ABCA10: variants seen among roughly 807,000 people sequenced by gnomAD.
The protein encoded by ABCA10 is ATP-binding cassette sub-family A member 10.
ABCA10 carries 169 observed loss-of-function variants against 187.5 expected under a neutral mutation model. The ratio of observed to expected loss-of-function variants is 0.90; its 90% CI spans 0.80 to 1.02. ABCA10 has a LOEUF of 1.02. ABCA10 is among the 50% of genes least tolerant of loss of function. ABCA10 has a pLI of 0.00. For synonymous variants in ABCA10, 574 were observed against 601.8 expected (o/e 0.95, Z 0.68); for missense variants, 1,727 against 1,812.4 (o/e 0.95, Z 0.86).
rs574377079 is a variant in ABCA10, at chr17:69,185,530, AGAGAAAGGAAATACATACTG to A, written c.2424_2443del (p.Ser809GlyfsTer15). The A allele has an allele frequency of 2.4e-5, 38 of 1,613,748 alleles. No individual in the cohort carries two copies. In the African/African-American group the frequency reaches 4.4e-4, roughly 19 times the overall value. ...AAGAGGCGTCTTCGGGATTTGTTCC[AGAGAAAGGAAATACATACTG>A]GGTGAAAACTCCCAACAATGAGTTT... is the stretch of plus-strand genomic sequence containing the variant. On this transcript the variant is annotated frameshift_variant, in exon 20 of 39. Transcript: ENST00000690296.
At chr17:69,168,841 C>T (rs2074274048) in intron 25 of ABCA10, among the ~76,000 whole-genome samples, 1 of 152,194 alleles carries the variant, frequency 6.6e-6, no homozygotes, top group Non-Finnish European at 1.5e-5. Context: ...TTGCCTACTG[C>T]CATCCATGTA....
intron 18 of ABCA10, among the ~76,000 whole-genome samples, chr17:69,188,480 G>C (rs560588445): frequency 6.7e-6 from 1 of 150,002 alleles, no homozygotes; most frequent in African/African-American, 2.5e-5. Context: ...TACAATGGCT[G>C]GTATCTAGTA....
At position 69,192,890 on chromosome 17, in the gene ABCA10, C is replaced by T. The variant is rs1402251816; in HGVS notation, c.1780+220G>A. Among the ~76,000 whole-genome samples the T allele has an allele frequency of 2.6e-5, 4 of 152,196 alleles. No individual in the cohort carries two copies. The East Asian group carries it at 7.7e-4, about 29-fold the overall frequency. ...TGCCTCAAAACTTTCCAAGGATGGC[C>T]TGATTCTTCACCTCTTCCTTTGTCC... On this transcript the variant is annotated intron_variant, in intron 15 of 38. Transcript: ENST00000690296.
chr17:69,201,736 C>CCT, intron 9 of ABCA10, 68 bp from the exon 10 acceptor site: 1 of 1,254,516 alleles, frequency 8.0e-7, no homozygotes, highest in Non-Finnish European at 1.1e-6. Context: ...GACATCTGTC[C>CCT]TTTACTTGAT....
At position 69,148,784 on chromosome 17, in the gene ABCA10, A is replaced by C. The variant is rs2074106868; in HGVS notation, c.*43T>G. 6.9e-7 allele frequency: 1 copy of C among 1,459,798 alleles called. No homozygotes were observed. 90.4% of individuals were successfully genotyped at this position (1,459,798 alleles called of 1,614,324 possible). On this transcript the variant is annotated 3_prime_UTR_variant, in exon 39 of 39. Coordinates refer to ENST00000690296, the MANE Select transcript of ABCA10 (RefSeq NM_001377321.1). ...TTCTTGTAGAATTATGGAAACTAAC[A>C]ATGTAGTAGGACCTAAAATTGAATG...
chr17:69,220,856 A>G (rs1385262835), intron 5 of ABCA10, among the ~76,000 whole-genome samples: 3 of 152,214 alleles, frequency 2.0e-5, no homozygotes, highest in Non-Finnish European at 4.4e-5. Flanking sequence ...TGTGTTATCT[A>G]CAGCGGCTTT....
upstream of ABCA10, among the ~76,000 whole-genome samples, chr17:69,230,647 C>T (rs141414653): frequency 2.2e-3 from 335 of 152,190 alleles, 2 homozygotes; most frequent in African/African-American, 7.7e-3. Context: ...CCCCTGAAAG[C>T]ACGATGGCTT....
intron 1 of ABCA10, among the ~76,000 whole-genome samples, chr17:69,237,673 C>T (rs1213844397): frequency 6.6e-6 from 1 of 152,060 alleles, no homozygotes; most frequent in Non-Finnish European, 1.5e-5. Flanking sequence ...CATGTCCTTC[C>T]TAAAAGCCTC....
chr17:69,243,433 A>C (rs922805029), intron 1 of ABCA10, among the ~76,000 whole-genome samples: 3 of 152,234 alleles, frequency 2.0e-5, no homozygotes, highest in Non-Finnish European at 4.4e-5. Flanking sequence ...ACACAATAGT[A>C]AATATTTGTG....
intron 10 of ABCA10, among the ~76,000 whole-genome samples, chr17:69,199,531 G>A (rs957960582): frequency 1.5e-4 from 23 of 152,324 alleles, no homozygotes; most frequent in Admixed American, 8.5e-4. Flanking sequence ...GGATGACACT[G>A]TATGCAGGTT....
rs1168729659 is a variant in ABCA10 at position 69,226,278 on chromosome 17, C to G, written c.-171-749G>C. 8.6e-5 allele frequency among the ~76,000 whole-genome samples: 13 copies of G among 152,026 alleles called. No homozygotes were observed. In the East Asian group the frequency reaches 2.5e-3, roughly 29 times the overall value. ...TCTGGATGGTGGATGTATAGGTGTT[C>G]ATTGTACCAATATTTTCACATTTCT... On this transcript the variant is annotated intron_variant, in intron 2 of 38. Coordinates refer to ENST00000690296, the MANE Select transcript of ABCA10 (RefSeq NM_001377321.1).
In ABCA10 at chr17:69,194,471, C is replaced by T; in HGVS notation, c.1259G>A (p.Gly420Glu). The T allele has an allele frequency of 6.2e-7, 1 of 1,608,886 alleles. No homozygotes were observed. The highest frequency in any genetic ancestry group is 8.5e-7 in the Non-Finnish European group (1 of 1,177,836). Residue 420 changes from glycine (G) to glutamate (E), a missense_variant, in exon 12 of 39, where the codon GGA becomes GAA. Physicochemically the swap from Gly to Glu is moderately conservative, Grantham distance 98 (BLOSUM62 -2). Transcript: ENST00000690296. The part of the protein sequence containing the change: ...LQGIFFDIYE[G>E]QITAILGHNG... Reference sequence around the variant, plus strand: ...ATGCCCAAGTATTGCAGTGATCTGTCCTTCATATATGTCAAAAAATATGCC... The same window carrying T: ...ATGCCCAAGTATTGCAGTGATCTGTTCTTCATATATGTCAAAAAATATGCC...
chr17:69,174,423 T>C, intron 24 of ABCA10, 29 bp from the exon 25 acceptor site: 4 of 1,540,360 alleles, frequency 2.6e-6, no homozygotes, highest in Non-Finnish European at 3.5e-6. Flanking sequence ...AATGGCAAGA[T>C]TAGAAATGGC....
chr17:69,155,661 T>A (rs950630772), intron 29 of ABCA10, 144 bp downstream of exon 29: 1 of 1,133,262 alleles, frequency 8.8e-7, no homozygotes, highest in African/African-American at 1.6e-5. Context: ...TAGTTACTTT[T>A]AAAGAGAATA....
At chr17:69,209,274 T>C (rs867803115) in intron 9 of ABCA10, among the ~76,000 whole-genome samples, 66 of 152,352 alleles carry the variant, frequency 4.3e-4, no homozygotes, top group African/African-American at 1.5e-3. Context: ...GTGGGTTATG[T>C]ATGCTACATG....
rs1416309526 is a variant in ABCA10 at position 69,179,988 on chromosome 17, T to C, written c.2769+2165A>G. Among the ~76,000 whole-genome samples the C allele has an allele frequency of 2.0e-5, 3 of 152,214 alleles. No individual in the cohort carries two copies. In the East Asian group the frequency reaches 5.8e-4, roughly 29 times the overall value. On this transcript the variant is annotated intron_variant, in intron 22 of 38. Coordinates refer to ENST00000690296, the MANE Select transcript of ABCA10 (RefSeq NM_001377321.1). ...AGTTGCAAGATAATTTTTATGTCTT[T>C]ACAGTAATGAAGAGTTTGTCCGACA...
intron 5 of ABCA10, among the ~76,000 whole-genome samples, chr17:69,220,109 T>C (rs1568073832): frequency 2.6e-5 from 4 of 152,188 alleles, no homozygotes; most frequent in African/African-American, 9.6e-5. Context: ...CATTGCATAA[T>C]AAATTGTTTA....
At chr17:69,244,155 C>T (rs2074925222) in intron 1 of ABCA10, among the ~76,000 whole-genome samples, 1 of 152,032 alleles carries the variant, frequency 6.6e-6, no homozygotes, top group Admixed American at 6.5e-5. Context: ...AAAGTGATTG[C>T]TTTCTATTTA....
intron 26 of ABCA10, 121 bp from the exon 27 acceptor site, chr17:69,164,275 G>T (rs2074239925): frequency 1.3e-6 from 1 of 743,304 alleles, no homozygotes; most frequent in Non-Finnish European, 2.0e-6. Context: ...TCCATGAATT[G>T]AGATGAGAAG....
Sources: allele counts gnomAD v4.1 joint callset (sites outside exome capture counted in the v4.1 genomes callset), GRCh38; gene constraint gnomAD v4.1.1; transcripts MANE v1.5; gene names NCBI Gene and HGNC (gene_info 2026-07-23, HGNC 2026-07-21).